The following SH3BP5 variants were observed in gnomAD, a reference collection of about 807,000 sequenced individuals.
SH3BP5 encodes the protein SH3 domain binding protein 5.
Under a neutral mutation model 43.3 loss-of-function variants are expected in SH3BP5, and 22 were observed. The ratio of observed to expected loss-of-function variants is 0.51; its 90% CI spans 0.36 to 0.73. SH3BP5 has a LOEUF of 0.73. Ranked by LOEUF, SH3BP5 falls within the 30% of genes least tolerant of loss-of-function variation. The probability of loss-of-function intolerance (pLI) is 0.00; values close to 1 mark genes in which losing one functional copy is unlikely to be tolerated. For missense variants in SH3BP5, 529 were observed against 586.9 expected (o/e 0.90, Z 1.02); for synonymous variants, 255 against 225.8 (o/e 1.13, Z -1.16).
At chr3:15,276,409 C>A (rs998114625) in intron 3 of SH3BP5, among the ~76,000 whole-genome samples, 12 of 152,178 alleles carry the variant, frequency 7.9e-5, no homozygotes, top group Non-Finnish European at 1.5e-4. Context: ...AGCCCCTGAC[C>A]CCTAGTCTGG....
intron 3 of SH3BP5, among the ~76,000 whole-genome samples, chr3:15,285,395 C>T (rs1027011267): frequency 1.1e-4 from 16 of 152,288 alleles, no homozygotes; most frequent in African/African-American, 2.4e-4. Context: ...TTCCCCGCTC[C>T]GCTCAACCTC....
intron 3 of SH3BP5, among the ~76,000 whole-genome samples, chr3:15,277,565 G>T (rs765892764): frequency 3.9e-5 from 6 of 152,104 alleles, no homozygotes; most frequent in Non-Finnish European, 8.8e-5. Context: ...CCTCATGCCT[G>T]CCTGAGCTTA....
chr3:15,315,843 A>G (rs530802936), intron 2 of SH3BP5, among the ~76,000 whole-genome samples: 1 of 152,308 alleles, frequency 6.6e-6, no homozygotes, highest in East Asian at 1.9e-4. Context: ...AATAATTTCA[A>G]ACTTGGAAAA....
intron 2 of SH3BP5, among the ~76,000 whole-genome samples, chr3:15,312,524 G>T (rs2729683): frequency 0.81 from 123,544 of 152,124 alleles, 50,535 homozygotes; most frequent in African/African-American, 0.9. Flanking sequence ...TGTGCTGCAC[G>T]CCACCTGCCC....
intron 1 of SH3BP5, among the ~76,000 whole-genome samples, chr3:15,330,978 T>A (rs544102378): frequency 6.6e-6 from 1 of 151,380 alleles, no homozygotes; most frequent in East Asian, 1.9e-4. Flanking sequence ...AGTGAAATCA[T>A]CAAGGGCAGA....
intron 3 of SH3BP5, among the ~76,000 whole-genome samples, chr3:15,283,380 G>A (rs745775564): frequency 7.9e-5 from 12 of 152,222 alleles, no homozygotes; most frequent in Non-Finnish European, 1.6e-4. Flanking sequence ...CTGAGCAACA[G>A]AGCGAGACCC....
At chr3:15,256,654 T>C (rs2125036255) in intron 8 of SH3BP5, 199 bp downstream of exon 8, 7 of 634,398 alleles carry the variant, frequency 1.1e-5, no homozygotes, top group Admixed American at 3.0e-5. Flanking sequence ...CTCTACTTTA[T>C]AGAAGCTGAG....
intron 2 of SH3BP5, among the ~76,000 whole-genome samples, chr3:15,327,554 G>A (rs1312294272): frequency 6.6e-6 from 1 of 152,220 alleles, no homozygotes; most frequent in African/African-American, 2.4e-5. Context: ...CTGCTCAGGT[G>A]TCCTCCAGCA....
upstream of SH3BP5, chr3:15,332,651 C>T (rs1698647138): frequency 2.6e-6 from 3 of 1,156,272 alleles, no homozygotes; most frequent in Non-Finnish European, 3.2e-6. Context: ...CGCCCCCGTC[C>T]CGCCCCGGCC....
upstream of SH3BP5, among the ~76,000 whole-genome samples, chr3:15,335,137 G>T (rs1575362282): frequency 6.6e-6 from 1 of 152,164 alleles, no homozygotes; most frequent in Middle Eastern, 3.4e-3. Flanking sequence ...GCTCACATCT[G>T]TAATCCTAGC....
upstream of SH3BP5, chr3:15,332,602 GC>G: frequency 1.7e-6 from 2 of 1,194,318 alleles, no homozygotes; most frequent in African/African-American, 1.6e-5. Context: ...GGGCGCGGCC[GC>G]CCCCTTTCTG....
chr3:15,257,117 A>C lies in SH3BP5; in HGVS notation c.890-4T>G. 1.2e-6 allele frequency: 2 copies of C among 1,612,626 alleles called. No individual in the cohort carries two copies. Among genetic ancestry groups the C allele is most frequent in the Non-Finnish European group, 1.7e-6 (2 of 1,178,840 alleles). On this transcript the variant is annotated splice_region_variant and splice_polypyrimidine_tract_variant and intron_variant, in intron 7 of 8. Coordinates refer to ENST00000383791, the MANE Select transcript of SH3BP5 (RefSeq NM_004844.5). ...TCTTCAAAGGCCTCCGAGGCCACTA[A>C]GTTGAGAGAGAACACCAGTCACATG...
intron 2 of SH3BP5, among the ~76,000 whole-genome samples, chr3:15,309,374 G>GT (rs149553448): frequency 0.021 from 3,134 of 152,160 alleles, 105 homozygotes; most frequent in African/African-American, 0.071. Context: ...AATCGATGGG[G>GT]TTTTTGTCTT....
At chr3:15,287,736 A>G (rs1697304715) in intron 3 of SH3BP5, among the ~76,000 whole-genome samples, 2 of 152,250 alleles carry the variant, frequency 1.3e-5, no homozygotes, top group Admixed American at 1.3e-4. Flanking sequence ...GATGCAAAAC[A>G]TTCCCTGATG....
intron 2 of SH3BP5, among the ~76,000 whole-genome samples, chr3:15,305,729 G>T (rs1697883949): frequency 6.6e-6 from 1 of 152,158 alleles, no homozygotes; most frequent in African/African-American, 2.4e-5. Flanking sequence ...AACTGAAGGA[G>T]GCCGGAGGTC....
Position 15,329,149 on chromosome 3 carries a change from C to CA in SH3BP5, c.201+1354dup, listed in dbSNP as rs72054480. Among the ~76,000 whole-genome samples the CA allele has an allele frequency of 6.4e-4, 91 of 141,604 alleles. 1 individual carries two copies. The highest frequency in any genetic ancestry group is 3.6e-3 in the Middle Eastern group (1 of 280). The allele number at this position is 141,604 out of a possible 152,430, so 92.9% of individuals were successfully genotyped here. A position where few individuals can be genotyped will look rare whatever the true frequency, so the allele number is the denominator to read the frequency against. ...TGGGCGACAGAGTAAGACTCTGTCT[C>CA]AAAAAAAAAAAAATTTTAATTAAAT... On this transcript the variant is annotated intron_variant, in intron 2 of 8. Coordinates refer to ENST00000383791, the MANE Select transcript of SH3BP5 (RefSeq NM_004844.5).
chr3:15,274,273 AAG>A (rs1347037285), intron 3 of SH3BP5, among the ~76,000 whole-genome samples: 1 of 152,018 alleles, frequency 6.6e-6, no homozygotes, highest in Non-Finnish European at 1.5e-5. Context: ...GAAAGAAAGA[AAG>A]AAATACCTGA....
upstream of SH3BP5, among the ~76,000 whole-genome samples, chr3:15,334,389 A>G (rs189000255): frequency 9.1e-4 from 139 of 152,256 alleles, no homozygotes; most frequent in African/African-American, 3.3e-3. Flanking sequence ...CCACAGATAG[A>G]AAATATTTGG....
chr3:15,291,688 A>G lies in SH3BP5; in HGVS notation c.330+12415T>C, dbSNP rs1426867641. On this transcript the variant is annotated intron_variant, in intron 3 of 8. Transcript: ENST00000383791. Reference sequence around the variant, plus strand: ...GTAGTTCTGTCTCTCACATGTGCAGAGGTTCCCACAGCATGATGAACCCTG... The same window carrying G: ...GTAGTTCTGTCTCTCACATGTGCAGGGGTTCCCACAGCATGATGAACCCTG... Among the ~76,000 whole-genome samples, 4 of 152,216 alleles carry G rather than the reference A, an allele frequency of 2.6e-5. No individual in the cohort carries two copies. The East Asian group carries it at 7.7e-4, about 29-fold the overall frequency.
Sources: allele counts gnomAD v4.1 joint callset (sites outside exome capture counted in the v4.1 genomes callset), GRCh38; gene constraint gnomAD v4.1.1; transcripts MANE v1.5; gene names NCBI Gene and HGNC (gene_info 2026-07-23, HGNC 2026-07-21).